The following LPCAT1 variants were observed in gnomAD, a reference collection of about 807,000 sequenced individuals.
LPCAT1 encodes 1-acylglycerol-3-phosphate O-acyltransferase.
In LPCAT1, 23 loss-of-function variants were observed where a neutral mutation model predicts 60.9. The ratio of observed to expected loss-of-function variants is 0.38; its 90% CI spans 0.27 to 0.53. The LOEUF is 0.53. Ranked by LOEUF, LPCAT1 falls within the 20% of genes least tolerant of loss-of-function variation. The probability of loss-of-function intolerance (pLI) is 0.82; values close to 1 mark genes in which losing one functional copy is unlikely to be tolerated. For synonymous variants in LPCAT1, 340 were observed against 301.1 expected (o/e 1.13, Z -1.34); for missense variants, 622 against 723.6 (o/e 0.86, Z 1.61).
intron 12 of LPCAT1, among the ~76,000 whole-genome samples, chr5:1,467,676 C>T (rs1451478030): frequency 6.6e-6 from 1 of 152,086 alleles, no homozygotes; most frequent in Non-Finnish European, 1.5e-5. Context: ...AACACTTCGG[C>T]TCCCTGTGGG....
chr5:1,517,786 C>G (rs545058711), intron 1 of LPCAT1, among the ~76,000 whole-genome samples: 1 of 152,160 alleles, frequency 6.6e-6, no homozygotes, highest in Non-Finnish European at 1.5e-5. Flanking sequence ...ACAGAGGCGA[C>G]GTGTCAAATT....
intron 3 of LPCAT1, 75 bp downstream of exon 3, chr5:1,494,625 A>C: frequency 7.2e-7 from 1 of 1,381,462 alleles, no homozygotes; most frequent in South Asian, 1.2e-5. Context: ...GGAATCTCTT[A>C]TTCTCAGCAG....
At chr5:1,489,496 CT>C (rs144910533) in intron 4 of LPCAT1, among the ~76,000 whole-genome samples, 74 of 152,356 alleles carry the variant, frequency 4.9e-4, no homozygotes, top group African/African-American at 1.7e-3. Context: ...TGAGTCAGAA[CT>C]TAGTTCAGAA....
rs2277006 is a variant in LPCAT1 at position 1,466,804 on chromosome 5, G to T, written c.1365C>A (p.Thr455=). Residue 455 remains threonine (T), a synonymous_variant, in exon 13 of 14, where the codon ACC becomes ACA. Transcript: ENST00000283415. Reference sequence around the variant, plus strand: ...CAATGGCTCGGAATAGGTCGGTCACGGTGAGCTCTGCCACCCCCAGGGCCG... The same window carrying T: ...CAATGGCTCGGAATAGGTCGGTCACTGTGAGCTCTGCCACCCCCAGGGCCG... ...LKTALGVAEL[T]VTDLFRAIDQ... is the part of the protein sequence containing the mutation. 1 of 1,612,056 alleles carries T rather than the reference G, an allele frequency of 6.2e-7. No homozygotes were observed. Among genetic ancestry groups the T allele is most frequent in the Non-Finnish European group, 8.5e-7 (1 of 1,178,920 alleles).
At position 1,509,251 on chromosome 5, in the gene LPCAT1, G is replaced by A. The variant is rs375289747; in HGVS notation, c.136-7648C>T. 2.4e-4 allele frequency among the ~76,000 whole-genome samples: 37 copies of A among 152,398 alleles called. 1 individual carries two copies. The South Asian group carries it at 5.0e-3, about 20-fold the overall frequency. On this transcript the variant is annotated intron_variant, in intron 1 of 13. Transcript: ENST00000283415. ...AGCCACCCCAAGCTCTACGGTTAGC[G>A]CGGTGGAGGCAGCTCACAGGAATGC...
Position 1,474,117 on chromosome 5 carries a change from A to C in LPCAT1, c.1026-7T>G. On this transcript the variant is annotated splice_region_variant and splice_polypyrimidine_tract_variant and intron_variant, in intron 10 of 13. Transcript: ENST00000283415. ...AAGCTTTTCTGGTTTTAGCCTAGAC[A>C]AAAAAAGAGGGAAAGCTTTCTTTTT... The C allele has an allele frequency of 2.5e-6, 4 of 1,606,200 alleles. No homozygotes were observed. The highest frequency in any genetic ancestry group is 3.4e-6 in the Non-Finnish European group (4 of 1,175,862).
At chr5:1,514,600 T>G (rs1056397506) in intron 1 of LPCAT1, among the ~76,000 whole-genome samples, 1 of 152,054 alleles carries the variant, frequency 6.6e-6, no homozygotes, top group Admixed American at 6.5e-5. Flanking sequence ...AATTCCGAGG[T>G]TGGGAATGCA....
chr5:1,499,190 T>C (rs1247545395), intron 2 of LPCAT1, among the ~76,000 whole-genome samples: 2 of 152,214 alleles, frequency 1.3e-5, no homozygotes, highest in African/African-American at 4.8e-5. Context: ...CCACCAGGGT[T>C]AGCATGGGGA....
At chr5:1,512,753 T>C (rs2962038) in intron 1 of LPCAT1, among the ~76,000 whole-genome samples, 88,641 of 152,194 alleles carry the variant, frequency 0.58, 26,163 homozygotes, top group Middle Eastern at 0.68. Flanking sequence ...GCACAGGGCA[T>C]GGTGCTCACA....
In LPCAT1 at chr5:1,489,745, C is replaced by A; in HGVS notation, c.606+1G>T. On this transcript the variant is annotated splice_donor_variant, in intron 4 of 13. Transcript: ENST00000283415. LOFTEE classifies it high-confidence loss of function. Reference sequence around the variant, plus strand: ...AACACAATCAGGGCTACGTGCATTACCTGTGGCCACTTTCCGTTGGACTGC... The same window carrying A: ...AACACAATCAGGGCTACGTGCATTAACTGTGGCCACTTTCCGTTGGACTGC... 1 of 1,601,908 alleles carries A rather than the reference C, an allele frequency of 6.2e-7. No individual in the cohort carries two copies. Among genetic ancestry groups the A allele is most frequent in the Non-Finnish European group, 8.6e-7 (1 of 1,168,826 alleles).
intron 1 of LPCAT1, among the ~76,000 whole-genome samples, chr5:1,511,983 C>A (rs189325753): frequency 6.6e-6 from 1 of 152,202 alleles, no homozygotes; most frequent in African/African-American, 2.4e-5. Flanking sequence ...CATCACTTCC[C>A]GGTCTCAGCG....
rs1735095548 is a variant in LPCAT1 at position 1,480,501 on chromosome 5, A to G, written c.761+441T>C. ...TTTCCGTGGGGTTGTTCATTGTTGC[A>G]TAACTGACCTTCGGTGTCTCTGCTG... On this transcript the variant is annotated intron_variant, in intron 7 of 13. Transcript: ENST00000283415. The surrounding 1 kb of genome is among the most constrained non-coding windows in gnomAD (Gnocchi z 6.4). 2.0e-5 allele frequency: 7 copies of G among 352,202 alleles called. No individual in the cohort carries two copies. Among genetic ancestry groups the G allele is most frequent in the Non-Finnish European group, 2.8e-5 (7 of 251,288 alleles). The allele number at this position is 352,202 out of a possible 1,614,324, so 21.8% of individuals were successfully genotyped here.
chr5:1,466,545 A>G (rs1172271009), intron 13 of LPCAT1, among the ~76,000 whole-genome samples: 1 of 152,198 alleles, frequency 6.6e-6, no homozygotes, highest in Non-Finnish European at 1.5e-5. Flanking sequence ...GCCAAAACAA[A>G]TCAGATTGGA....
At position 1,462,382 on chromosome 5, in the gene LPCAT1, C is replaced by A. The variant is rs960550377; in HGVS notation, c.*1269G>T. ...TGACACCAAAATACCCCATCCAGGG[C>A]CTGGAAGCCCCTCTGCCTTTGACTC... is the stretch of plus-strand genomic sequence containing the variant. On this transcript the variant is annotated 3_prime_UTR_variant, in exon 14 of 14. Coordinates refer to ENST00000283415, the MANE Select transcript of LPCAT1 (RefSeq NM_024830.5). 3.9e-5 allele frequency: 6 copies of A among 152,422 alleles called. No homozygotes were observed. In the South Asian group the frequency reaches 6.2e-4, roughly 16 times the overall value. 9.4% of individuals were successfully genotyped at this position (152,422 alleles called of 1,614,324 possible). A position where few individuals can be genotyped will look rare whatever the true frequency, so the allele number is the denominator to read the frequency against.
At chr5:1,482,833 T>A (rs1735213611) in intron 6 of LPCAT1, among the ~76,000 whole-genome samples, 1 of 152,014 alleles carries the variant, frequency 6.6e-6, no homozygotes, top group Non-Finnish European at 1.5e-5. Flanking sequence ...TCGTCCAGAC[T>A]TTCTCCCAAA....
rs1268422343 is a variant in LPCAT1, at chr5:1,483,213, G to A, written c.726+215C>T. Among the ~76,000 whole-genome samples the A allele has an allele frequency of 1.3e-5, 2 of 152,272 alleles. No individual in the cohort carries two copies. The highest frequency in any genetic ancestry group is 1.5e-5 in the Non-Finnish European group (1 of 68,020). On this transcript the variant is annotated intron_variant, in intron 6 of 13. Coordinates refer to ENST00000283415, the MANE Select transcript of LPCAT1 (RefSeq NM_024830.5). The surrounding 1 kb of genome is among the most constrained non-coding windows in gnomAD (Gnocchi z 9.2). ...GGGGTTGATCAGGGACACGTGCATA[G>A]AACAGGCCGCACTCAGGAACGTGCC...
chr5:1,469,269 C>T (rs556889494), intron 12 of LPCAT1, among the ~76,000 whole-genome samples: 26 of 152,278 alleles, frequency 1.7e-4, no homozygotes, highest in African/African-American at 3.1e-4. Flanking sequence ...CATACCCCAC[C>T]CCAAGCAGGG....
intron 12 of LPCAT1, among the ~76,000 whole-genome samples, chr5:1,469,377 G>A (rs769646845): frequency 1.3e-5 from 2 of 152,174 alleles, no homozygotes; most frequent in African/African-American, 4.8e-5. Flanking sequence ...GAGGAAGGTC[G>A]GGCTCCACAG....
chr5:1,494,941 G>A (rs781444020), intron 2 of LPCAT1, 27 bp from the exon 3 acceptor site: 40 of 1,562,454 alleles, frequency 2.6e-5, no homozygotes, highest in African/African-American at 1.6e-4. Flanking sequence ...TGCGTCACGC[G>A]GGCACACGTC....
Sources: allele counts gnomAD v4.1 joint callset (sites outside exome capture counted in the v4.1 genomes callset), GRCh38; gene constraint gnomAD v4.1.1; non-coding constraint Gnocchi (gnomAD v3.1); transcripts MANE v1.5; gene names NCBI Gene and HGNC (gene_info 2026-07-23, HGNC 2026-07-21).